Variants in SNX13 observed in about 807,000 individuals in gnomAD.
The protein encoded by SNX13 is sorting nexin-13.
Under a neutral mutation model 133.6 loss-of-function variants are expected in SNX13, and 45 were observed. The observed-to-expected ratio is 0.34, with a 90% confidence interval of 0.27 to 0.43. The LOEUF is 0.43. SNX13 is among the 20% of genes least tolerant of loss of function. The pLI is 1.00. For missense variants in SNX13, 1,032 were observed against 1,145.1 expected, an observed-to-expected ratio of 0.90 and a Z score of 1.43; for synonymous variants, 414 against 373.9, an observed-to-expected ratio of 1.11 and a Z score of -1.24.
intron 22 of SNX13, among the ~76,000 whole-genome samples, chr7:17,799,752 GAGTATACAACCACTA>G (rs929237587): frequency 1.7e-4 from 26 of 151,680 alleles, no homozygotes; most frequent in African/African-American, 3.1e-4. Context: ...AGTATTATGG[GAGTATACAACCACTA>G]AGTATACAAC....
chr7:17,834,646 A>G (rs1474635118), intron 14 of SNX13, 115 bp downstream of exon 14: 1 of 575,468 alleles, frequency 1.7e-6, no homozygotes, highest in African/African-American at 1.9e-5. Context: ...TAATTGCCAT[A>G]GTTTATCTTT....
chr7:17,940,154 C>G, intron 1 of SNX13, 130 bp downstream of exon 1: 1 of 1,235,122 alleles, frequency 8.1e-7, no homozygotes, highest in Non-Finnish European at 1.2e-6. Flanking sequence ...AGGATCCCCG[C>G]TGCTCCTCGG....
In SNX13 at chr7:17,824,863, G is replaced by A. The variant is rs138521153; in HGVS notation, c.1705+1159C>T. 3.7e-3 allele frequency among the ~76,000 whole-genome samples: 564 copies of A among 150,610 alleles called. 16 individuals are homozygous for A. In the East Asian group the frequency reaches 0.056, roughly 15 times the overall value. On this transcript the variant is annotated intron_variant, in intron 17 of 25. Coordinates refer to ENST00000428135, the MANE Select transcript of SNX13 (RefSeq NM_015132.5). ...CGGCTCATTGAAACCTCCACCTCCC[G>A]GGTTCAAGCGATTCTCCTGCCTCAG...
chr7:17,864,606 A>T (rs943462089), intron 9 of SNX13, among the ~76,000 whole-genome samples: 1 of 152,200 alleles, frequency 6.6e-6, no homozygotes, highest in Non-Finnish European at 1.5e-5. Flanking sequence ...AGAAATAATA[A>T]CAAAGAACTT....
At chr7:17,835,895 C>T (rs1192492528) in intron 13 of SNX13, among the ~76,000 whole-genome samples, 7 of 151,576 alleles carry the variant, frequency 4.6e-5, no homozygotes, top group Non-Finnish European at 5.9e-5. Context: ...TTTTGTGTTT[C>T]GGGGGGTAGT....
At chr7:17,803,394 G>C (rs367783266) in intron 21 of SNX13, 25 bp downstream of exon 21, 4 of 1,582,808 alleles carry the variant, frequency 2.5e-6, no homozygotes, top group South Asian at 2.3e-5. Flanking sequence ...GTTTGCTTTA[G>C]ACATTACTGA....
At chr7:17,804,803 C>CA (rs924903924) in intron 20 of SNX13, among the ~76,000 whole-genome samples, 7 of 150,496 alleles carry the variant, frequency 4.7e-5, no homozygotes, top group Non-Finnish European at 1.5e-5. Flanking sequence ...CATGCAAAAA[C>CA]AAAAAAATGA....
At chr7:17,861,462 G>C (rs140234896) in intron 9 of SNX13, among the ~76,000 whole-genome samples, 1 of 151,746 alleles carries the variant, frequency 6.6e-6, no homozygotes, top group African/African-American at 2.4e-5. Flanking sequence ...TCACACTAAC[G>C]TAATCATTGG....
At chr7:17,893,813 A>T (rs538983395) in intron 2 of SNX13, among the ~76,000 whole-genome samples, 1 of 151,944 alleles carries the variant, frequency 6.6e-6, no homozygotes, top group Admixed American at 6.6e-5. Flanking sequence ...TCTCTACTAA[A>T]AATACAAAAA....
chr7:17,871,068 C>G (rs1197594032), intron 8 of SNX13, among the ~76,000 whole-genome samples: 3 of 151,084 alleles, frequency 2.0e-5, no homozygotes, highest in African/African-American at 2.4e-5. Flanking sequence ...TGCAGTGGCG[C>G]GATCTCAGCT....
At chr7:17,799,691 T>C (rs910923326) in intron 22 of SNX13, among the ~76,000 whole-genome samples, 2 of 151,872 alleles carry the variant, frequency 1.3e-5, no homozygotes, top group East Asian at 1.9e-4. Flanking sequence ...ACAAAAGGCA[T>C]AGTTTACTAA....
chr7:17,852,133 G>A (rs995143505), intron 9 of SNX13, among the ~76,000 whole-genome samples: 4 of 152,246 alleles, frequency 2.6e-5, no homozygotes. Flanking sequence ...CAGCACTTTG[G>A]TAGGCCAAGG....
At chr7:17,829,905 A>G in intron 16 of SNX13, 105 bp downstream of exon 16, 1 of 734,334 alleles carries the variant, frequency 1.4e-6, no homozygotes, top group Non-Finnish European at 2.1e-6. Flanking sequence ...ATACTAAAGG[A>G]TGATTTGGGG....
At chr7:17,885,563 C>A (rs1218973988) in intron 5 of SNX13, among the ~76,000 whole-genome samples, 2 of 152,194 alleles carry the variant, frequency 1.3e-5, no homozygotes, top group African/African-American at 4.8e-5. Flanking sequence ...TGTGGTGGCT[C>A]ACACCTGTAA....
intron 5 of SNX13, among the ~76,000 whole-genome samples, chr7:17,884,462 A>G (rs568094284): frequency 1.1e-3 from 170 of 152,350 alleles, no homozygotes; most frequent in African/African-American, 4.0e-3. Flanking sequence ...GAACGAAAAC[A>G]TAAGAATTGT....
At chr7:17,888,733 C>CA in intron 5 of SNX13, 1 of 470,824 alleles carries the variant, frequency 2.1e-6, no homozygotes, top group Non-Finnish European at 4.4e-6. Context: ...CTGGTTGGTA[C>CA]AAAGTATGCC....
chr7:17,805,283 A>AATTCTAT (rs1785167566), intron 20 of SNX13, among the ~76,000 whole-genome samples: 1 of 121,444 alleles, frequency 8.2e-6, no homozygotes, highest in Middle Eastern at 3.8e-3. Context: ...GCACATGTGT[A>AATTCTAT]ATTCTAATTC....
chr7:17,918,272 T>C (rs1799765834), intron 1 of SNX13, among the ~76,000 whole-genome samples: 1 of 151,992 alleles, frequency 6.6e-6, no homozygotes, highest in Admixed American at 6.6e-5. Flanking sequence ...TACCAAAAAT[T>C]GACAACTGAG....
intron 18 of SNX13, among the ~76,000 whole-genome samples, chr7:17,819,159 G>GTCTCCATAAAATATCAAATAAGATTATT (rs1404451966): frequency 4.6e-5 from 7 of 152,102 alleles, no homozygotes; most frequent in African/African-American, 1.7e-4. Context: ...TTTCTTATAA[G>GTCTCCATAAAATATCAAATAAGATTATT]TCTCCATAAA....
Sources: allele counts gnomAD v4.1 joint callset (sites outside exome capture counted in the v4.1 genomes callset), GRCh38; gene constraint gnomAD v4.1.1; transcripts MANE v1.5; gene names NCBI Gene and HGNC (gene_info 2026-07-23, HGNC 2026-07-21).